The following ATP5ME variants were observed in gnomAD, a reference collection of about 807,000 sequenced individuals.
The protein encoded by ATP5ME is ATP synthase F(0) complex subunit e, mitochondrial.
A neutral mutation model predicts 11.6 loss-of-function variants in ATP5ME; 10 were observed. The ratio of observed to expected loss-of-function variants is 0.86; its 90% confidence interval spans 0.53 to 1.46. ATP5ME has a LOEUF of 1.46. ATP5ME is among the 40% of genes most tolerant of loss of function. The probability of loss-of-function intolerance (pLI) is 0.00; values close to 1 mark genes in which losing one functional copy is unlikely to be tolerated. For synonymous variants in ATP5ME, 45 were observed against 33.5 expected, an observed-to-expected ratio of 1.34 and a Z score of -1.19; for missense variants, 115 against 85.4, an observed-to-expected ratio of 1.35 and a Z score of -1.37.
intron 2 of ATP5ME, 89 bp from the exon 3 acceptor site, chr4:673,490 C>G: frequency 6.3e-7 from 1 of 1,597,922 alleles, no homozygotes; most frequent in East Asian, 2.2e-5. Context: ...TTCAGCGACG[C>G]TGTAAACCAG....
intron 2 of ATP5ME, 167 bp downstream of exon 2, chr4:673,745 T>G: frequency 3.8e-6 from 4 of 1,062,948 alleles, no homozygotes; most frequent in Non-Finnish European, 4.2e-6. Flanking sequence ...AGCCTGAGCT[T>G]TGGGTGAGCT....
rs1034679266 is a variant in ATP5ME at position 672,609 on chromosome 4, T to G, written c.191-90A>C. 5.7e-5 allele frequency: 84 copies of G among 1,464,870 alleles called. No individual in the cohort carries two copies. In the African/African-American group the frequency reaches 6.3e-4, roughly 11 times the overall value. The allele number at this position is 1,464,870 out of a possible 1,614,324, so 90.7% of individuals were successfully genotyped here. On this transcript the variant is annotated intron_variant, in intron 3 of 3. Transcript: ENST00000304312. ...AGCTTCCCAGTTATTTTTTTTTTTT[T>G]TTTTTTTGTTTTGAGACGGAGTCTC...
At position 674,261 on chromosome 4, in the gene ATP5ME, T is replaced by G. The variant is rs747771308; in HGVS notation, c.-14A>C. 2.1e-5 allele frequency: 34 copies of G among 1,611,222 alleles called. No individual in the cohort carries two copies. The highest frequency in any genetic ancestry group is 2.8e-5 in the Non-Finnish European group (33 of 1,179,110). On this transcript the variant is annotated 5_prime_UTR_variant, in exon 1 of 4. Coordinates refer to ENST00000304312, the MANE Select transcript of ATP5ME (RefSeq NM_007100.4). Reference sequence around the variant, plus strand: ...CGGTGGCACCATCTTGTCCCTGACCTCCGCACCGGAAGCACAACCTGCAGA... The same window carrying G: ...CGGTGGCACCATCTTGTCCCTGACCGCCGCACCGGAAGCACAACCTGCAGA...
chr4:673,609 C>T, intron 2 of ATP5ME: 1 of 865,470 alleles, frequency 1.2e-6, no homozygotes, highest in Non-Finnish European at 1.8e-6. Flanking sequence ...CCCGCTCACG[C>T]ACTGGCTCAC....
In ATP5ME at chr4:674,267, C is replaced by G. The variant is rs775658301; in HGVS notation, c.-20G>C. ...CACCATCTTGTCCCTGACCTCCGCA[C>G]CGGAAGCACAACCTGCAGACGGAGC... On this transcript the variant is annotated 5_prime_UTR_variant, in exon 1 of 4. Transcript: ENST00000304312. 7.4e-6 allele frequency: 12 copies of G among 1,611,158 alleles called. No homozygotes were observed. The highest frequency in any genetic ancestry group is 1.0e-5 in the Non-Finnish European group (12 of 1,179,050).
chr4:673,370 C>T lies in ATP5ME; in HGVS notation c.123G>A (p.Arg41=), dbSNP rs776161747. The T allele has an allele frequency of 1.9e-6, 3 of 1,614,164 alleles. No homozygotes were observed. The South Asian group carries it at 3.3e-5, about 18-fold the overall frequency. The change falls in exon 3 of 4, where the codon AGG becomes AGA. Residue 41 remains arginine (R), a synonymous_variant. Transcript: ENST00000304312. ...TCTTCTTCTCTTCTGCTGCTATCCT[C>T]CTCTCCTCTTCTGCCCGAGGTTTTA... ...NYLKPRAEEE[R]RIAAEEKKKQ... is the part of the protein sequence containing the mutation.
intron 2 of ATP5ME, 161 bp from the exon 3 acceptor site, chr4:673,562 G>A: frequency 7.7e-6 from 10 of 1,299,786 alleles, no homozygotes; most frequent in East Asian, 2.5e-5. Flanking sequence ...TCACCCTGAC[G>A]AGTCCAACCC....
rs1225850199 is a variant in ATP5ME, at chr4:673,380, T to C, written c.113A>G (p.Glu38Gly). The stretch of plus-strand genomic sequence containing the variant: ...TTCTGCTGCTATCCTCCTCTCCTCT[T>C]CTGCCCGAGGTTTTAGGTAATCTGT... ...TRYNYLKPRA[E>G]EERRIAAEEK... The change falls in exon 3 of 4, where the codon GAA (glutamate) becomes GGA (glycine). Residue 38 changes from glutamate to glycine, a missense_variant. Glu to Gly is a moderately conservative substitution (Grantham distance 98). Coordinates refer to ENST00000304312, the MANE Select transcript of ATP5ME (RefSeq NM_007100.4). 2 of 1,614,054 alleles carry C rather than the reference T, an allele frequency of 1.2e-6. No individual in the cohort carries two copies. Among genetic ancestry groups the C allele is most frequent in the Non-Finnish European group, 8.5e-7 (1 of 1,180,006 alleles).
rs771318416 is a variant in ATP5ME at position 672,489 on chromosome 4, C to T, written c.*11G>A. On this transcript the variant is annotated 3_prime_UTR_variant, in exon 4 of 4. Transcript: ENST00000304312. ...TCCGCTGCTGGTCCAAAGAGTGGGT[C>T]GCAGGGTCACTCACTTTAATATGCT... The T allele has an allele frequency of 2.5e-6, 4 of 1,613,908 alleles. No individual in the cohort carries two copies. Among genetic ancestry groups the T allele is most frequent in the Admixed American group, 3.3e-5 (2 of 60,000 alleles).
Position 672,490 on chromosome 4 carries a change from G to A in ATP5ME, c.*10C>T, listed in dbSNP as rs779350796. The stretch of plus-strand genomic sequence containing the variant: ...CCGCTGCTGGTCCAAAGAGTGGGTC[G>A]CAGGGTCACTCACTTTAATATGCTG... On this transcript the variant is annotated 3_prime_UTR_variant, in exon 4 of 4. Coordinates refer to ENST00000304312, the MANE Select transcript of ATP5ME (RefSeq NM_007100.4). 8 of 1,613,960 alleles carry A rather than the reference G, an allele frequency of 5.0e-6. No homozygotes were observed. The highest frequency in any genetic ancestry group is 2.2e-5 in the East Asian group (1 of 44,886).
At chr4:672,580 C>T in intron 3 of ATP5ME, 61 bp from the exon 4 acceptor site, 1 of 1,501,546 alleles carries the variant, frequency 6.7e-7, no homozygotes, top group Non-Finnish European at 9.1e-7. Context: ...AAAAAGACCA[C>T]TTCAGCTTCC....
chr4:673,130 C>A (rs1254176907), intron 3 of ATP5ME, among the ~76,000 whole-genome samples, 173 bp downstream of exon 3: 1 of 152,200 alleles, frequency 6.6e-6, no homozygotes, highest in Non-Finnish European at 1.5e-5. Flanking sequence ...GTGATCTGCC[C>A]GCCTTGGCCT....
At position 673,312 on chromosome 4, in the gene ATP5ME, A is replaced by G; in HGVS notation, c.181T>C (p.Leu61=). ...CCAGTGTCACTCGTACCTTCTGCCA[A>G]TTCTCTGGCAATCCGTTTCAGTTCA... ...QDELKRIARE[L]AEDDSILK is the part of the protein sequence containing the mutation. Residue 61 remains leucine, a synonymous_variant, in exon 3 of 4, where the codon TTG becomes CTG. Coordinates refer to ENST00000304312, the MANE Select transcript of ATP5ME (RefSeq NM_007100.4). The G allele has an allele frequency of 6.2e-7, 1 of 1,614,160 alleles. No homozygotes were observed. Among genetic ancestry groups the G allele is most frequent in the Non-Finnish European group, 8.5e-7 (1 of 1,180,014 alleles).
In ATP5ME at chr4:673,785, A is replaced by G. The variant is rs1163014125; in HGVS notation, c.91+127T>C. 10 of 1,302,030 alleles carry G rather than the reference A, an allele frequency of 7.7e-6. No homozygotes were observed. In the Admixed American group the frequency reaches 1.8e-4, roughly 23 times the overall value. 80.7% of individuals were successfully genotyped at this position (1,302,030 alleles called of 1,614,324 possible). On this transcript the variant is annotated intron_variant, in intron 2 of 3. Transcript: ENST00000304312. ...CCACTATCGGGGTCACGCTCGGTGG[A>G]GGACACGGTCCTGCAGCCTCGCATG...
intron 2 of ATP5ME, 86 bp from the exon 3 acceptor site, chr4:673,487 A>T (rs1175254540): frequency 1.9e-6 from 3 of 1,601,026 alleles, no homozygotes; most frequent in Non-Finnish European, 2.6e-6. Context: ...ATCTTCAGCG[A>T]CGCTGTAAAC....
Position 673,371 on chromosome 4 carries a change from C to T in ATP5ME, c.122G>A (p.Arg41Lys), listed in dbSNP as rs1199579952. Residue 41 changes from arginine (R) to lysine (K), a missense_variant, in exon 3 of 4, where the codon AGG becomes AAG. By Grantham distance (26) the Arg-to-Lys change is conservative. Transcript: ENST00000304312. ...CTTCTTCTCTTCTGCTGCTATCCTC[C>T]TCTCCTCTTCTGCCCGAGGTTTTAG... ...NYLKPRAEEE[R>K]RIAAEEKKKQ... 9 of 1,614,044 alleles carry T rather than the reference C, an allele frequency of 5.6e-6. No homozygotes were observed. Among genetic ancestry groups the T allele is most frequent in the Admixed American group, 3.3e-5 (2 of 60,002 alleles).
At chr4:674,010 G>A in intron 1 of ATP5ME, 44 bp from the exon 2 acceptor site, 1 of 1,537,340 alleles carries the variant, frequency 6.5e-7, no homozygotes, top group Non-Finnish European at 8.7e-7. Flanking sequence ...CGGGGCTCGC[G>A]GGACGGGGGT....
At chr4:672,593 G>GTTTT in intron 3 of ATP5ME, 74 bp from the exon 4 acceptor site, 1 of 1,101,052 alleles carries the variant, frequency 9.1e-7, no homozygotes, top group Admixed American at 2.5e-5. Flanking sequence ...CAGCTTCCCA[G>GTTTT]TTATTTTTTT....
Position 673,325 on chromosome 4 carries a change from C to G in ATP5ME, c.168G>C (p.Arg56=), listed in dbSNP as rs370751906. ...TACCTTCTGCCAATTCTCTGGCAAT[C>G]CGTTTCAGTTCATCCTGCTTCTTCT... The part of the protein sequence containing the change: ...EEKKKQDELK[R]IARELAEDDS... Residue 56 remains arginine (R), a synonymous_variant, in exon 3 of 4, where the codon CGG becomes CGC. Transcript: ENST00000304312. The G allele has an allele frequency of 3.1e-6, 5 of 1,614,114 alleles. No individual in the cohort carries two copies. In the African/African-American group the frequency reaches 6.7e-5, roughly 22 times the overall value.
Sources: allele counts gnomAD v4.1 joint callset (sites outside exome capture counted in the v4.1 genomes callset), GRCh38; gene constraint gnomAD v4.1.1; transcripts MANE v1.5; gene names NCBI Gene and HGNC (gene_info 2026-07-23, HGNC 2026-07-21).